The following TNFRSF11A variants were observed in gnomAD, a reference collection of about 807,000 sequenced individuals.
TNFRSF11A encodes the protein TNF receptor superfamily member 11a.
A neutral mutation model predicts 55.7 loss-of-function variants in TNFRSF11A; 32 were observed. The observed-to-expected ratio is 0.57, with a 90% CI of 0.43 to 0.77. The LOEUF is 0.77. TNFRSF11A is among the 30% of genes least tolerant of loss of function. TNFRSF11A has a pLI of 0.00. For missense variants in TNFRSF11A, 753 were observed against 809.8 expected, an observed-to-expected ratio of 0.93 and a Z score of 0.85; for synonymous variants, 311 against 331.0, an observed-to-expected ratio of 0.94 and a Z score of 0.65.
rs773027289 is a variant in TNFRSF11A, at chr18:62,354,436, G to A, written c.329G>A (p.Arg110Gln). 20 of 1,597,936 alleles carry A rather than the reference G, an allele frequency of 1.3e-5. No individual in the cohort carries two copies. The highest frequency in any genetic ancestry group is 1.6e-5 in the Non-Finnish European group (19 of 1,177,870). Residue 110 changes from arginine (R) to glutamine (Q), a missense_variant, in exon 4 of 10, where the codon CGG (arginine) becomes CAG (glutamine). Physicochemically the swap from Arg to Gln is conservative, Grantham distance 43 (BLOSUM62 1). This residue lies in a region of TNFRSF11A where 156 missense variants were observed against 155.1 expected (regional missense o/e 1.01). Transcript: ENST00000586569. ...GTCGCCGGCAACAGCACGACCCCCC[G>A]GCGCTGCGCGTGCACGGCTGGGTAC... ...AVVAGNSTTP[R>Q]RCACTAGYHW...
At chr18:62,358,092 T>C (rs1909399521) in intron 4 of TNFRSF11A, 156 bp from the exon 5 acceptor site, 1 of 686,106 alleles carries the variant, frequency 1.5e-6, no homozygotes. Context: ...CTGAAGAAGT[T>C]AGACACAGGG....
chr18:62,358,103 G>A, intron 4 of TNFRSF11A, 145 bp from the exon 5 acceptor site: 2 of 717,508 alleles, frequency 2.8e-6, no homozygotes, highest in East Asian at 2.6e-5. Context: ...AGACACAGGG[G>A]TGGGCACAGG....
intron 1 of TNFRSF11A, among the ~76,000 whole-genome samples, chr18:62,341,836 C>CTGTTTTT (rs2046314902): frequency 1.2e-5 from 1 of 85,216 alleles, no homozygotes; most frequent in Admixed American, 1.5e-4. Context: ...CTGAGAATGG[C>CTGTTTTT]TTTTTTTTTT....
In TNFRSF11A at chr18:62,355,214, A is replaced by T. The variant is rs577426391; in HGVS notation, c.427+680A>T. Among the ~76,000 whole-genome samples, 201 of 152,116 alleles carry T rather than the reference A, an allele frequency of 1.3e-3. 6 individuals are homozygous for T. In the South Asian group the frequency reaches 0.04, roughly 30 times the overall value. ...TATGCTTGGAGGGTTTTTACTAATCACCTTTTCACATTCGAATATGCACAT... is the reference window on the plus strand; with the variant it reads ...TATGCTTGGAGGGTTTTTACTAATCTCCTTTTCACATTCGAATATGCACAT... On this transcript the variant is annotated intron_variant, in intron 4 of 9. Coordinates refer to ENST00000586569, the MANE Select transcript of TNFRSF11A (RefSeq NM_003839.4).
intron 4 of TNFRSF11A, among the ~76,000 whole-genome samples, chr18:62,357,430 T>A (rs946408961): frequency 1.3e-5 from 2 of 152,208 alleles, no homozygotes; most frequent in Non-Finnish European, 2.9e-5. Flanking sequence ...CTAACCAGGA[T>A]CAGCTCCTAC....
intron 1 of TNFRSF11A, among the ~76,000 whole-genome samples, chr18:62,330,561 G>T (rs1469323058): frequency 6.6e-6 from 1 of 152,218 alleles, no homozygotes; most frequent in Non-Finnish European, 1.5e-5. Flanking sequence ...TTAATATTGA[G>T]CTGTGAGCTG....
At chr18:62,345,969 ATTGTCTACATG>A (rs1251884092) in intron 1 of TNFRSF11A, among the ~76,000 whole-genome samples, 1 of 152,138 alleles carries the variant, frequency 6.6e-6, no homozygotes, top group African/African-American at 2.4e-5. Context: ...CATGGAGTGA[ATTGTCTACATG>A]TTCAGGTCAG....
intron 1 of TNFRSF11A, among the ~76,000 whole-genome samples, chr18:62,329,589 G>A (rs911471093): frequency 2.6e-5 from 4 of 152,204 alleles, no homozygotes; most frequent in Non-Finnish European, 5.9e-5. Context: ...GCCCCAAAAC[G>A]CTAAGCTTGA....
chr18:62,327,565 A>G (rs927712806), intron 1 of TNFRSF11A, among the ~76,000 whole-genome samples: 1 of 152,210 alleles, frequency 6.6e-6, no homozygotes, highest in South Asian at 2.1e-4. Context: ...TCTGTATTCA[A>G]TGACTGCTTG....
intron 7 of TNFRSF11A, among the ~76,000 whole-genome samples, chr18:62,363,891 G>C (rs1254532398): frequency 6.6e-6 from 1 of 152,228 alleles, no homozygotes; most frequent in African/African-American, 2.4e-5. Flanking sequence ...CTACCATTTA[G>C]TGAACTGGAT....
At chr18:62,344,726 T>C (rs1600369226) in intron 1 of TNFRSF11A, among the ~76,000 whole-genome samples, 1 of 152,170 alleles carries the variant, frequency 6.6e-6, no homozygotes, top group African/African-American at 2.4e-5. Flanking sequence ...TGCCAGCTGC[T>C]GGCTGGCAGG....
chr18:62,375,161 C>T (rs570582421), intron 9 of TNFRSF11A, among the ~76,000 whole-genome samples: 1 of 151,874 alleles, frequency 6.6e-6, no homozygotes, highest in Admixed American at 6.6e-5. Context: ...AACGGATCCA[C>T]ACACCTAGGC....
rs1210246401 is a variant in TNFRSF11A at position 62,388,442 on chromosome 18, C to G, written c.*3408C>G. On this transcript the variant is annotated 3_prime_UTR_variant, in exon 10 of 10. Transcript: ENST00000586569. Reference sequence around the variant, plus strand: ...AGGGATGGGGGAGCAGCATATCCCCCCATGGGAAGAGTTGCGGAATGAGAG... The same window carrying G: ...AGGGATGGGGGAGCAGCATATCCCCGCATGGGAAGAGTTGCGGAATGAGAG... 3 of 152,366 alleles carry G rather than the reference C, an allele frequency of 2.0e-5. No individual in the cohort carries two copies. Among genetic ancestry groups the G allele is most frequent in the Non-Finnish European group, 4.4e-5 (3 of 68,126 alleles). 9.4% of individuals were successfully genotyped at this position (152,366 alleles called of 1,614,324 possible).
chr18:62,384,305 C>T (rs1911504978), intron 9 of TNFRSF11A, among the ~76,000 whole-genome samples: 1 of 148,610 alleles, frequency 6.7e-6, no homozygotes, highest in Admixed American at 6.7e-5. Flanking sequence ...TTCCTCCCCT[C>T]CTCCTTTCCT....
chr18:62,366,852 AC>A, intron 8 of TNFRSF11A, 92 bp downstream of exon 8: 2 of 1,068,098 alleles, frequency 1.9e-6, no homozygotes, highest in Non-Finnish European at 1.4e-6. Context: ...ACCCCCCCCC[AC>A]CCCCACTTTT....
At chr18:62,342,401 CAAAAA>C (rs371734407) in intron 1 of TNFRSF11A, among the ~76,000 whole-genome samples, 1,577 of 62,236 alleles carry the variant, frequency 0.025, 27 homozygotes, top group African/African-American at 0.076. Context: ...GATTCTGTCT[CAAAAA>C]AAAAAAAAAA....
At chr18:62,350,196 A>G (rs1033385209) in intron 3 of TNFRSF11A, among the ~76,000 whole-genome samples, 4 of 152,266 alleles carry the variant, frequency 2.6e-5, no homozygotes, top group African/African-American at 9.6e-5. Flanking sequence ...TAATGTTTCC[A>G]TAATGTTCCC....
At chr18:62,374,183 A>G (rs2145370584) in intron 9 of TNFRSF11A, 1 of 152,304 alleles carries the variant, frequency 6.6e-6, no homozygotes, top group South Asian at 2.1e-4. Context: ...AAAATATACA[A>G]AAAATGTGGT....
At chr18:62,362,151 T>C (rs1187591299) in intron 7 of TNFRSF11A, among the ~76,000 whole-genome samples, 1 of 152,072 alleles carries the variant, frequency 6.6e-6, no homozygotes, top group African/African-American at 2.4e-5. Flanking sequence ...CATAAAATAT[T>C]TAGATGACCG....
Sources: gnomAD v4.1 joint callset for allele counts (sites outside exome capture counted in the v4.1 genomes callset) on GRCh38, gnomAD v4.1.1 for gene constraint, gnomAD v4.1.1 regional missense constraint, MANE v1.5 for transcripts, NCBI Gene and HGNC (gene_info 2026-07-23, HGNC 2026-07-21) for gene names.